Variants in TLN2 observed in about 807,000 individuals in gnomAD.
TLN2 encodes talin 2, also known as talin-2.
A neutral mutation model predicts 294.7 loss-of-function variants in TLN2; 118 were observed. That is an observed-to-expected ratio of 0.40 (90% confidence interval 0.34 to 0.47). The LOEUF (loss-of-function observed/expected upper bound fraction) is 0.47. Among genes scored for constraint, TLN2 ranks in the 20% least tolerant of loss-of-function variants. The pLI, the probability that TLN2 is intolerant of heterozygous loss-of-function variation, is 0.84. For synonymous variants in TLN2, 1,431 were observed against 1,304.5 expected (o/e 1.10, Z -2.09); for missense variants, 3,083 against 3,282.2 (o/e 0.94, Z 1.48).
chr15:62,440,551 G>C (rs1200804211), intron 1 of TLN2, among the ~76,000 whole-genome samples: 1 of 152,144 alleles, frequency 6.6e-6, no homozygotes, highest in Non-Finnish European at 1.5e-5. Context: ...CAAACGTCAG[G>C]GAGGACGGTG....
intron 32 of TLN2, 34 bp from the exon 33 acceptor site, chr15:62,748,317 C>CA (rs74266534): frequency 0.18 from 210,108 of 1,191,710 alleles, 60 homozygotes; most frequent in Non-Finnish European, 0.19. Flanking sequence ...TGTTGATCTT[C>CA]AAAAAAAAAA....
intron 18 of TLN2, among the ~76,000 whole-genome samples, chr15:62,702,463 A>C (rs2058774954): frequency 6.6e-6 from 1 of 152,216 alleles, no homozygotes; most frequent in Non-Finnish European, 1.5e-5. Flanking sequence ...ACTAATACGC[A>C]TTTAAGGGGA....
At chr15:62,712,318 C>T (rs1220495842) in intron 22 of TLN2, among the ~76,000 whole-genome samples, 1 of 152,154 alleles carries the variant, frequency 6.6e-6, no homozygotes, top group African/African-American at 2.4e-5. Context: ...TTAGGGAGGC[C>T]TCTTTTTCCA....
chr15:62,667,325 G>T (rs2054829302), intron 9 of TLN2, among the ~76,000 whole-genome samples: 1 of 152,176 alleles, frequency 6.6e-6, no homozygotes, highest in African/African-American at 2.4e-5. Flanking sequence ...GCCACACTCT[G>T]AGAAGCTTAT....
intron 41 of TLN2, 76 bp from the exon 42 acceptor site, chr15:62,770,887 GC>G (rs1452774264): frequency 3.9e-6 from 6 of 1,521,464 alleles, no homozygotes; most frequent in Non-Finnish European, 5.3e-6. Flanking sequence ...CCCCTCCCGC[GC>G]CTGACTGTGG....
intron 1 of TLN2, among the ~76,000 whole-genome samples, chr15:62,550,261 T>G (rs927272353): frequency 6.6e-6 from 1 of 152,052 alleles, no homozygotes; most frequent in African/African-American, 2.4e-5. Context: ...AATAATAGTT[T>G]AGGTTTATTT....
intron 11 of TLN2, among the ~76,000 whole-genome samples, chr15:62,680,320 C>T (rs1244142702): frequency 6.6e-6 from 1 of 152,106 alleles, no homozygotes; most frequent in Non-Finnish European, 1.5e-5. Context: ...AGAGAGCCTC[C>T]TTGATTGCTT....
chr15:62,438,011 C>T (rs1205986971), intron 1 of TLN2, among the ~76,000 whole-genome samples: 3 of 152,156 alleles, frequency 2.0e-5, no homozygotes, highest in Non-Finnish European at 4.4e-5. Flanking sequence ...GCAGCAGATG[C>T]ACCCTGGTCC....
chr15:62,395,222 C>T (rs1481984918), intron 1 of TLN2, among the ~76,000 whole-genome samples: 6 of 35,984 alleles, frequency 1.7e-4, no homozygotes, highest in Admixed American at 1.2e-3. Flanking sequence ...GTAGCCAGGG[C>T]GGGGGTGGGG....
chr15:62,770,925 A>G (rs922523054), intron 41 of TLN2, 39 bp from the exon 42 acceptor site: 1 of 1,581,576 alleles, frequency 6.3e-7, no homozygotes, highest in African/African-American at 1.4e-5. Context: ...ACGTGTATTT[A>G]CATGATACAT....
chr15:62,740,464 A>G (rs2061264489), intron 31 of TLN2, 166 bp from the exon 32 acceptor site: 1 of 780,558 alleles, frequency 1.3e-6, no homozygotes. Flanking sequence ...AGAAGGGTAG[A>G]CACTGGTCAG....
intron 32 of TLN2, among the ~76,000 whole-genome samples, chr15:62,746,866 T>C (rs1323003991): frequency 6.6e-6 from 1 of 152,240 alleles, no homozygotes; most frequent in Non-Finnish European, 1.5e-5. Flanking sequence ...TTTCTGCTGC[T>C]TATTTGTAGC....
chr15:62,523,181 C>T (rs1281194286), intron 1 of TLN2, among the ~76,000 whole-genome samples: 2 of 152,052 alleles, frequency 1.3e-5, no homozygotes, highest in Non-Finnish European at 2.9e-5. Context: ...TACAGAGCCC[C>T]GAAGCCAGCA....
chr15:62,665,579 T>C (rs6494342), intron 9 of TLN2, among the ~76,000 whole-genome samples: 136,702 of 152,084 alleles, frequency 0.9, 63,100 homozygotes, highest in Non-Finnish European at 1. Context: ...TCCTTGACTC[T>C]CACAGCCCCG....
chr15:62,743,825 G>C (rs565002981), intron 32 of TLN2, among the ~76,000 whole-genome samples: 1 of 152,258 alleles, frequency 6.6e-6, no homozygotes, highest in Non-Finnish European at 1.5e-5. Context: ...TAAGCCCACA[G>C]CGGCCAGCAT....
chr15:62,721,863 T>A (rs2060168611), intron 25 of TLN2, among the ~76,000 whole-genome samples: 1 of 152,168 alleles, frequency 6.6e-6, no homozygotes, highest in South Asian at 2.1e-4. Flanking sequence ...GAGTGAACAG[T>A]GTGATCTTAT....
chr15:62,647,567 A>G, intron 4 of TLN2, 121 bp downstream of exon 4: 1 of 1,359,424 alleles, frequency 7.4e-7, no homozygotes, highest in Non-Finnish European at 1.0e-6. Flanking sequence ...TTCAAATGAA[A>G]TACCTTCTTA....
intron 1 of TLN2, among the ~76,000 whole-genome samples, chr15:62,449,262 C>T (rs1009357217): frequency 2.6e-5 from 4 of 152,034 alleles, no homozygotes; most frequent in Non-Finnish European, 5.9e-5. Flanking sequence ...TTCCTCCATG[C>T]GTAGGTCTTG....
rs142680037 is a variant in TLN2 at position 62,708,593 on chromosome 15, G to A, written c.2264G>A (p.Arg755His). The A allele has an allele frequency of 1.5e-4, 244 of 1,614,200 alleles. 1 individual carries two copies. The highest frequency in any genetic ancestry group is 2.3e-4 in the Admixed American group (14 of 60,032). The change falls in exon 21 of 59, where the codon CGT (arginine) becomes CAT (histidine). Residue 755 changes from arginine to histidine, a missense_variant. Physicochemically the swap from Arg to His is conservative, Grantham distance 29. Transcript: ENST00000636159. ...LVDRSVENCV[R>H]ACQAATTDSE... ...GACCGCTCGGTGGAGAACTGTGTCC[G>A]TGCCTGCCAGGCGGCCACTACCGAT...
Sources: gnomAD v4.1 joint callset for allele counts (sites outside exome capture counted in the v4.1 genomes callset) on GRCh38, gnomAD v4.1.1 for gene constraint, MANE v1.5 for transcripts, NCBI Gene and HGNC (gene_info 2026-07-23, HGNC 2026-07-21) for gene names.